Variants in NINJ2 observed in about 807,000 individuals in gnomAD.
NINJ2 encodes ninjurin-2.
NINJ2 carries 12 observed loss-of-function variants against 11.7 expected under a neutral mutation model. The observed-to-expected ratio is 1.02, with a 90% CI of 0.66 to 1.66. The LOEUF (loss-of-function observed/expected upper bound fraction) is 1.66, where lower values mean the gene tolerates loss of function less well. Ranked by LOEUF, NINJ2 falls within the 40% of genes most tolerant of loss-of-function variation. The pLI is 0.00. For missense variants in NINJ2, 187 were observed against 181.8 expected (o/e 1.03, Z -0.16); for synonymous variants, 93 against 76.8 (o/e 1.21, Z -1.10).
At chr12:583,845 C>T (rs1419124210) in intron 1 of NINJ2, among the ~76,000 whole-genome samples, 1 of 152,142 alleles carries the variant, frequency 6.6e-6, no homozygotes, top group Non-Finnish European at 1.5e-5. Flanking sequence ...CTTGGGAGCT[C>T]TCTCAGTCAC....
intron 1 of NINJ2, among the ~76,000 whole-genome samples, chr12:647,662 G>A (rs1937708662): frequency 6.6e-6 from 1 of 152,182 alleles, no homozygotes; most frequent in Non-Finnish European, 1.5e-5. Flanking sequence ...CAGTCTTGAA[G>A]TCTCCATTTC....
chr12:585,077 C>T lies in NINJ2; in HGVS notation c.34-18899G>A, dbSNP rs983894070. 3.9e-5 allele frequency among the ~76,000 whole-genome samples: 6 copies of T among 152,254 alleles called. No individual in the cohort carries two copies. The highest frequency in any genetic ancestry group is 1.4e-4 in the African/African-American group (6 of 41,460). ...GAGGTTGAAGTGGGCTGAGATCGCG[C>T]CACTGCGCTCCAGCCTGGGAGACAG... On this transcript the variant is annotated intron_variant, in intron 1 of 3. Coordinates refer to ENST00000305108, the MANE Select transcript of NINJ2 (RefSeq NM_016533.6). The surrounding 1 kb of genome is among the most constrained non-coding windows in gnomAD (Gnocchi z 4.1).
intron 1 of NINJ2, chr12:645,235 A>G (rs1213467137): frequency 2.0e-5 from 3 of 152,214 alleles, no homozygotes; most frequent in South Asian, 2.1e-4. Flanking sequence ...AGACATGGGT[A>G]CGGGCCTCAG....
chr12:619,249 A>G (rs778118877), intron 1 of NINJ2, among the ~76,000 whole-genome samples: 4 of 152,216 alleles, frequency 2.6e-5, no homozygotes, highest in Non-Finnish European at 5.9e-5. Context: ...GAGTATGTTT[A>G]GGACTTGGCC....
rs1226255593 is a variant in NINJ2 at position 662,822 on chromosome 12, G to A, written c.33+506C>T. Among the ~76,000 whole-genome samples the A allele has an allele frequency of 3.9e-5, 6 of 152,178 alleles. No individual in the cohort carries two copies. In the East Asian group the frequency reaches 1.2e-3, roughly 29 times the overall value. ...TAGACTGATTTCCTTTCCTTGCACT[G>A]TCCAAATGAGACGCTTTCTGTCCTA... On this transcript the variant is annotated intron_variant, in intron 1 of 3. Coordinates refer to ENST00000305108, the MANE Select transcript of NINJ2 (RefSeq NM_016533.6).
chr12:611,372 C>G (rs1171904667), intron 1 of NINJ2, among the ~76,000 whole-genome samples: 1 of 123,296 alleles, frequency 8.1e-6, no homozygotes, highest in African/African-American at 3.6e-5. Flanking sequence ...TTGTCTTGCT[C>G]TGTCACCCAG....
chr12:647,720 A>C (rs1937709379), intron 1 of NINJ2, among the ~76,000 whole-genome samples: 1 of 152,180 alleles, frequency 6.6e-6, no homozygotes, highest in Non-Finnish European at 1.5e-5. Flanking sequence ...CTTAGTATGC[A>C]TCGGGATCAC....
At chr12:570,675 C>T (rs1565618411) in intron 1 of NINJ2, among the ~76,000 whole-genome samples, 1 of 152,134 alleles carries the variant, frequency 6.6e-6, no homozygotes, top group African/African-American at 2.4e-5. Context: ...TTGCCGCCCT[C>T]CCCTGGCCCT....
At chr12:588,822 T>C (rs1329425214) in intron 1 of NINJ2, among the ~76,000 whole-genome samples, 1 of 152,200 alleles carries the variant, frequency 6.6e-6, no homozygotes. Context: ...GTAATAGATA[T>C]GATAGCCTAC....
At chr12:657,988 CTTTTTTTTTTTTTTT>C (rs1164230214) in intron 1 of NINJ2, among the ~76,000 whole-genome samples, 1 of 54,396 alleles carries the variant, frequency 1.8e-5, no homozygotes, top group African/African-American at 7.5e-5. Context: ...CCTACACAGG[CTTTTTTTTTTTTTTT>C]TTTTTTTTTT....
chr12:575,805 G>T (rs796444303), intron 1 of NINJ2, among the ~76,000 whole-genome samples: 2 of 152,210 alleles, frequency 1.3e-5, no homozygotes, highest in Admixed American at 6.5e-5. Flanking sequence ...GCTTCTGGGT[G>T]GGGGAGAGGA....
At chr12:607,933 A>G (rs1277788986) in intron 1 of NINJ2, among the ~76,000 whole-genome samples, 1 of 152,152 alleles carries the variant, frequency 6.6e-6, no homozygotes, top group African/African-American at 2.4e-5. Flanking sequence ...TTTGGCCATC[A>G]GCCACCGTCT....
In NINJ2 at chr12:585,507, CGGTTGG is replaced by C. The variant is rs1565624768; in HGVS notation, c.34-19335_34-19330del. 1.3e-5 allele frequency among the ~76,000 whole-genome samples: 2 copies of C among 148,218 alleles called. No individual in the cohort carries two copies. The highest frequency in any genetic ancestry group is 1.3e-4 in the Admixed American group (2 of 14,846). ...AACGGTTGGAGGGAAGGGAAGGGAA[CGGTTGG>C]AGGGAAGGGAAGGGAACGGTTGGAG... On this transcript the variant is annotated intron_variant, in intron 1 of 3. Coordinates refer to ENST00000305108, the MANE Select transcript of NINJ2 (RefSeq NM_016533.6). The surrounding 1 kb of genome is among the most constrained non-coding windows in gnomAD (Gnocchi z 4.1).
At chr12:566,797 A>G (rs1488393217) in intron 1 of NINJ2, among the ~76,000 whole-genome samples, 1 of 152,258 alleles carries the variant, frequency 6.6e-6, no homozygotes, top group Non-Finnish European at 1.5e-5. Context: ...ACAGTAATGC[A>G]TACTAGTTAA....
chr12:648,480 G>T (rs1937726651), intron 1 of NINJ2, among the ~76,000 whole-genome samples: 1 of 152,204 alleles, frequency 6.6e-6, no homozygotes, highest in Non-Finnish European at 1.5e-5. Flanking sequence ...TCTGGACCTT[G>T]ATTTTTTCCT....
intron 1 of NINJ2, chr12:645,842 GA>G (rs1418152204): frequency 6.6e-6 from 1 of 152,074 alleles, no homozygotes; most frequent in Non-Finnish European, 1.5e-5. Context: ...ATAGCTTCTG[GA>G]TTTTCCTTAT....
At chr12:571,519 C>T (rs1947376642) in intron 1 of NINJ2, among the ~76,000 whole-genome samples, 2 of 152,238 alleles carry the variant, frequency 1.3e-5, no homozygotes, top group Admixed American at 6.5e-5. Context: ...CATTACCCTC[C>T]CTCTTCCGCG....
intron 1 of NINJ2, among the ~76,000 whole-genome samples, chr12:571,150 A>G (rs778079892): frequency 2.0e-5 from 3 of 152,174 alleles, no homozygotes; most frequent in Non-Finnish European, 2.9e-5. Context: ...GTCCCTGTTC[A>G]AGGCGCGGTT....
chr12:651,061 C>G (rs1020834637), intron 1 of NINJ2, among the ~76,000 whole-genome samples: 1 of 151,930 alleles, frequency 6.6e-6, no homozygotes, highest in Non-Finnish European at 1.5e-5. Context: ...ATGGACAAGT[C>G]TGAGAGTTAA....
Sources: gnomAD v4.1 joint callset for allele counts (sites outside exome capture counted in the v4.1 genomes callset) on GRCh38, gnomAD v4.1.1 for gene constraint, Gnocchi (gnomAD v3.1) non-coding constraint, MANE v1.5 for transcripts, NCBI Gene and HGNC (gene_info 2026-07-23, HGNC 2026-07-21) for gene names.